EFCAB6: variants seen among roughly 807,000 people sequenced by gnomAD.
EFCAB6 encodes EF-hand calcium binding domain 6.
Under a neutral mutation model 169.8 loss-of-function variants are expected in EFCAB6, and 156 were observed. The ratio of observed to expected loss-of-function variants is 0.92; its 90% CI spans 0.81 to 1.05. The LOEUF is 1.05. Ranked by LOEUF, EFCAB6 falls within the 50% of genes least tolerant of loss-of-function variation. The pLI is 0.00. For missense variants in EFCAB6, 1,800 were observed against 1,829.1 expected, an observed-to-expected ratio of 0.98 and a Z score of 0.29; for synonymous variants, 698 against 676.4, an observed-to-expected ratio of 1.03 and a Z score of -0.50.
At chr22:43,611,130 T>C (rs1449378267) in intron 21 of EFCAB6, among the ~76,000 whole-genome samples, 3 of 152,124 alleles carry the variant, frequency 2.0e-5, no homozygotes, top group African/African-American at 7.2e-5. Flanking sequence ...CACACCATCA[T>C]CTCTCATGAG....
intron 26 of EFCAB6, among the ~76,000 whole-genome samples, chr22:43,558,653 G>A (rs5764392): frequency 0.28 from 42,102 of 151,968 alleles, 6,473 homozygotes; most frequent in East Asian, 0.62. Flanking sequence ...AGCAACCATC[G>A]ACATTGAGGT....
chr22:43,769,248 A>G (rs1318640887), intron 4 of EFCAB6, among the ~76,000 whole-genome samples: 1 of 152,250 alleles, frequency 6.6e-6, no homozygotes, highest in African/African-American at 2.4e-5. Context: ...CATATCTTGT[A>G]TGACTCCATT....
intron 17 of EFCAB6, among the ~76,000 whole-genome samples, chr22:43,655,469 T>C (rs1344804039): frequency 7.4e-6 from 1 of 134,340 alleles, no homozygotes; most frequent in African/African-American, 2.8e-5. Context: ...AAGCAACTCA[T>C]AAGCTAATAG....
At chr22:43,557,433 A>C (rs2048771547) in intron 26 of EFCAB6, among the ~76,000 whole-genome samples, 1 of 152,234 alleles carries the variant, frequency 6.6e-6, no homozygotes, top group African/African-American at 2.4e-5. Context: ...ATTAGCAAAT[A>C]AAGATTCAAT....
chr22:43,777,623 C>T (rs1249021903), intron 3 of EFCAB6, among the ~76,000 whole-genome samples: 2 of 152,198 alleles, frequency 1.3e-5, no homozygotes, highest in African/African-American at 2.4e-5. Flanking sequence ...GCCTGAACAT[C>T]CTCCTCCTGC....
intron 6 of EFCAB6, among the ~76,000 whole-genome samples, chr22:43,749,750 A>G (rs1422892338): frequency 6.6e-6 from 1 of 152,206 alleles, no homozygotes; most frequent in Non-Finnish European, 1.5e-5. Context: ...AGATGATCGC[A>G]TGCCATCCTT....
At chr22:43,783,328 T>C (rs182153865) in intron 2 of EFCAB6, among the ~76,000 whole-genome samples, 17 of 152,292 alleles carry the variant, frequency 1.1e-4, no homozygotes, top group Admixed American at 2.0e-4. Flanking sequence ...AGCGCCCACA[T>C]ATTCTTGGGA....
At chr22:43,740,182 C>G (rs2060318442) in intron 6 of EFCAB6, among the ~76,000 whole-genome samples, 1 of 152,160 alleles carries the variant, frequency 6.6e-6, no homozygotes, top group African/African-American at 2.4e-5. Flanking sequence ...GAAACGCCCT[C>G]CCTAGTCACC....
chr22:43,588,383 C>T lies in EFCAB6; in HGVS notation c.3032+1691G>A, dbSNP rs184603803. 5.3e-5 allele frequency among the ~76,000 whole-genome samples: 8 copies of T among 152,056 alleles called. No individual in the cohort carries two copies. In the East Asian group the frequency reaches 1.5e-3, roughly 29 times the overall value. On this transcript the variant is annotated intron_variant, in intron 24 of 31. Transcript: ENST00000262726. ...TAATACCTTCAGAGAAATGAGATAG[C>T]GCATCCATGAAACAAGAGTAGGATG...
chr22:43,573,732 C>CAAA (rs748024357), intron 26 of EFCAB6, among the ~76,000 whole-genome samples: 147 of 85,052 alleles, frequency 1.7e-3, no homozygotes, highest in East Asian at 4.2e-3. Flanking sequence ...TCTGTCTCAA[C>CAAA]AAAAAAAAAA....
Position 43,565,266 on chromosome 22 carries a change from C to T in EFCAB6, c.3421-10170G>A, listed in dbSNP as rs554254937. 1.2e-4 allele frequency among the ~76,000 whole-genome samples: 18 copies of T among 152,294 alleles called. No homozygotes were observed. In the South Asian group the frequency reaches 1.2e-3, roughly 11 times the overall value. On this transcript the variant is annotated intron_variant, in intron 26 of 31. Transcript: ENST00000262726. ...GAGATGAAGAGCAGAGTCATCCTAG[C>T]GAAGATGGCAGAGCTTAGCCCAGCC... is the stretch of plus-strand genomic sequence containing the variant.
chr22:43,531,463 T>C (rs1459328605), intron 30 of EFCAB6, among the ~76,000 whole-genome samples: 2 of 152,248 alleles, frequency 1.3e-5, no homozygotes, highest in Non-Finnish European at 2.9e-5. Flanking sequence ...CACAAGGTTG[T>C]AATTATATCT....
intron 26 of EFCAB6, among the ~76,000 whole-genome samples, chr22:43,569,513 C>A (rs932400): frequency 6.6e-6 from 1 of 152,250 alleles, no homozygotes; most frequent in African/African-American, 2.4e-5. Context: ...AAGCTCAAAG[C>A]CTGAGGAGGA....
intron 22 of EFCAB6, among the ~76,000 whole-genome samples, chr22:43,601,599 C>T (rs1226220814): frequency 3.9e-5 from 6 of 152,316 alleles, no homozygotes; most frequent in Admixed American, 1.3e-4. Context: ...GGAGGATCTA[C>T]GGAACCCACA....
At chr22:43,726,101 C>T (rs1373368906) in intron 8 of EFCAB6, among the ~76,000 whole-genome samples, 2 of 151,960 alleles carry the variant, frequency 1.3e-5, no homozygotes, top group Admixed American at 1.3e-4. Flanking sequence ...AGACGCCTTT[C>T]ATTTAGGCAT....
In EFCAB6 at chr22:43,738,359, A is replaced by G. The variant is rs562644021; in HGVS notation, c.508-2366T>C. Among the ~76,000 whole-genome samples, 130 of 131,842 alleles carry G rather than the reference A, an allele frequency of 9.9e-4. 3 individuals carry two copies. In the East Asian group the frequency reaches 0.025, roughly 26 times the overall value. 86.5% of individuals were successfully genotyped at this position (131,842 alleles called of 152,430 possible). On this transcript the variant is annotated intron_variant, in intron 6 of 31. Transcript: ENST00000262726. ...ACACCTGCATATACTCATTCACACC[A>G]TCAATCACATACACATATATTCACA...
chr22:43,737,646 C>A (rs952514232), intron 6 of EFCAB6, among the ~76,000 whole-genome samples: 4 of 151,080 alleles, frequency 2.6e-5, no homozygotes, highest in Non-Finnish European at 5.9e-5. Flanking sequence ...CACATGCACA[C>A]ACACCATCAT....
chr22:43,569,887 A>G (rs1224340719), intron 26 of EFCAB6, among the ~76,000 whole-genome samples: 1 of 152,254 alleles, frequency 6.6e-6, no homozygotes, highest in African/African-American at 2.4e-5. Flanking sequence ...TAATATCTTA[A>G]TAATTTACTT....
chr22:43,724,925 C>T (rs1239782459), intron 8 of EFCAB6, among the ~76,000 whole-genome samples: 1 of 152,186 alleles, frequency 6.6e-6, no homozygotes, highest in Non-Finnish European at 1.5e-5. Flanking sequence ...TATCAAGTTT[C>T]TATCTTAGTC....
Sources: allele counts gnomAD v4.1 joint callset (sites outside exome capture counted in the v4.1 genomes callset), GRCh38; gene constraint gnomAD v4.1.1; transcripts MANE v1.5; gene names NCBI Gene and HGNC (gene_info 2026-07-23, HGNC 2026-07-21).